TYW1B: variants seen among roughly 807,000 people sequenced by gnomAD.
The protein encoded by TYW1B is S-adenosyl-L-methionine-dependent tRNA 4-demethylwyosine synthase TYW1B.
In TYW1B, 73 loss-of-function variants were observed where a neutral mutation model predicts 86.9. The observed-to-expected ratio is 0.84, with a 90% CI of 0.70 to 1.02. The LOEUF (loss-of-function observed/expected upper bound fraction) is 1.02, where lower values mean the gene tolerates loss of function less well. TYW1B is among the 50% of genes least tolerant of loss of function. The pLI is 0.00. For missense variants in TYW1B, 637 were observed against 827.4 expected (o/e 0.77, Z 2.82); for synonymous variants, 248 against 292.8 (o/e 0.85, Z 1.56).
At chr7:72,753,480 ATTT>A (rs11359200) in intron 7 of TYW1B, among the ~76,000 whole-genome samples, 2 of 138,582 alleles carry the variant, frequency 1.4e-5, no homozygotes, top group African/African-American at 2.7e-5. Flanking sequence ...ATCATTAGCA[ATTT>A]TTTTTTTTTT....
intron 11 of TYW1B, among the ~76,000 whole-genome samples, chr7:72,633,143 C>T (rs1220918439): frequency 6.6e-6 from 1 of 152,362 alleles, no homozygotes; most frequent in East Asian, 1.9e-4. Flanking sequence ...GTTACTGCCC[C>T]TTTCCTAGAA....
chr7:72,762,358 T>C (rs1356449733), intron 7 of TYW1B, among the ~76,000 whole-genome samples: 3 of 152,154 alleles, frequency 2.0e-5, no homozygotes, highest in Non-Finnish European at 4.4e-5. Flanking sequence ...ATCATTGCCT[T>C]CTGTTCTTTC....
At chr7:72,619,167 C>A (rs1812153286) in intron 12 of TYW1B, among the ~76,000 whole-genome samples, 1 of 152,128 alleles carries the variant, frequency 6.6e-6, no homozygotes, top group African/African-American at 2.4e-5. Context: ...CACAGGAAGA[C>A]AAATTTGAGC....
intron 13 of TYW1B, among the ~76,000 whole-genome samples, chr7:72,607,392 T>TAAAAAAAAA (rs1554435054): frequency 3.4e-5 from 2 of 58,366 alleles, no homozygotes; most frequent in African/African-American, 6.7e-5. Flanking sequence ...ATTCTGTCTC[T>TAAAAAAAAA]CAAAAAAAAA....
intron 13 of TYW1B, among the ~76,000 whole-genome samples, chr7:72,606,413 G>A (rs1201663010): frequency 1.3e-5 from 2 of 152,072 alleles, no homozygotes; most frequent in Non-Finnish European, 2.9e-5. Context: ...CTACCAGGGC[G>A]GTATCAGAGA....
chr7:72,721,208 C>T (rs559125261), intron 9 of TYW1B, among the ~76,000 whole-genome samples: 9 of 152,252 alleles, frequency 5.9e-5, no homozygotes, highest in East Asian at 3.9e-4. Context: ...AACAAACATA[C>T]GTGTACATGT....
At chr7:72,634,869 G>C (rs1812629685) in intron 11 of TYW1B, among the ~76,000 whole-genome samples, 1 of 152,004 alleles carries the variant, frequency 6.6e-6, no homozygotes, top group African/African-American at 2.4e-5. Flanking sequence ...TAAATTATTT[G>C]CATTTGCTGG....
At chr7:72,730,731 A>G (rs1554459727) in intron 8 of TYW1B, among the ~76,000 whole-genome samples, 1 of 151,764 alleles carries the variant, frequency 6.6e-6, no homozygotes, top group Non-Finnish European at 1.5e-5. Flanking sequence ...GCGTAGGAAA[A>G]AAAGCCTACA....
chr7:72,627,458 A>AACATG (rs1554439054), intron 12 of TYW1B, among the ~76,000 whole-genome samples: 1 of 64,206 alleles, frequency 1.6e-5, no homozygotes, highest in East Asian at 3.1e-4. Context: ...AAAAAACAGT[A>AACATG]ACATAACATA....
At chr7:72,792,386 G>A (rs1195043317) in intron 6 of TYW1B, among the ~76,000 whole-genome samples, 1 of 151,324 alleles carries the variant, frequency 6.6e-6, no homozygotes, top group Non-Finnish European at 1.5e-5. Context: ...AAATGCAAAT[G>A]AACAATAAAC....
chr7:72,747,542 A>G (rs189958292), intron 7 of TYW1B, among the ~76,000 whole-genome samples: 1 of 152,184 alleles, frequency 6.6e-6, no homozygotes. Context: ...ATTTATGTCT[A>G]TCTCTCTACC....
At chr7:72,735,866 T>TAAA (rs35564711) in intron 8 of TYW1B, among the ~76,000 whole-genome samples, 1 of 144,188 alleles carries the variant, frequency 6.9e-6, no homozygotes. Flanking sequence ...CGAGACTGTC[T>TAAA]AAAAAAAAAA....
chr7:72,758,092 C>T (rs1243716207), intron 7 of TYW1B, among the ~76,000 whole-genome samples: 2 of 152,002 alleles, frequency 1.3e-5, no homozygotes, highest in Non-Finnish European at 1.5e-5. Context: ...TGGTGGCGTG[C>T]GCCTGTAATC....
intron 9 of TYW1B, among the ~76,000 whole-genome samples, chr7:72,720,343 A>T (rs1554457091): frequency 6.6e-6 from 1 of 152,208 alleles, no homozygotes; most frequent in Non-Finnish European, 1.5e-5. Context: ...AACAAAGGGT[A>T]CTACCACAGA....
rs1788125380 is a variant in TYW1B at position 72,786,098 on chromosome 7, G to T, written c.847-8565C>A. The stretch of plus-strand genomic sequence containing the variant: ...CACTCCAGCCTGGGCGACACAGCAA[G>T]ACTGTCTAAAAAAAAAAGAGAAGAA... On this transcript the variant is annotated intron_variant, in intron 6 of 13. Coordinates refer to ENST00000620995, the MANE Select transcript of TYW1B (RefSeq NM_001145440.3). Among the ~76,000 whole-genome samples, 4 of 117,968 alleles carry T rather than the reference G, an allele frequency of 3.4e-5. No individual in the cohort carries two copies. In the South Asian group the frequency reaches 1.2e-3, roughly 36 times the overall value. 77.4% of individuals were successfully genotyped at this position (117,968 alleles called of 152,430 possible).
intron 8 of TYW1B, among the ~76,000 whole-genome samples, chr7:72,739,606 CAAAAA>C (rs565426313): frequency 1.4e-5 from 1 of 72,752 alleles, no homozygotes; most frequent in Non-Finnish European, 3.0e-5. Context: ...ACTCCGTCTC[CAAAAA>C]AAAAAAAAAA....
rs1224944413 is a variant in TYW1B at position 72,696,669 on chromosome 7, A to G, written c.1371-1847T>C. On this transcript the variant is annotated intron_variant, in intron 10 of 13. Transcript: ENST00000620995. ...AGATATTGTTGATTTCAGCAGACAG[A>G]ATTTTTAAGGGAATATAGGCCAAAC... Among the ~76,000 whole-genome samples, 6 of 152,206 alleles carry G rather than the reference A, an allele frequency of 3.9e-5. 1 individual carries two copies. The East Asian group carries it at 1.2e-3, about 29-fold the overall frequency.
intron 6 of TYW1B, among the ~76,000 whole-genome samples, chr7:72,800,335 C>T (rs1196972134): frequency 3.3e-5 from 5 of 152,008 alleles, no homozygotes; most frequent in African/African-American, 7.2e-5. Flanking sequence ...GCAGTTGTGA[C>T]TACGGGCACA....
chr7:72,790,293 G>A (rs1164012463), intron 6 of TYW1B, among the ~76,000 whole-genome samples: 1 of 152,002 alleles, frequency 6.6e-6, no homozygotes, highest in African/African-American at 2.4e-5. Context: ...TACATCTGAT[G>A]TTTTATGCTA....
Sources: allele counts gnomAD v4.1 joint callset (sites outside exome capture counted in the v4.1 genomes callset), GRCh38; gene constraint gnomAD v4.1.1; transcripts MANE v1.5; gene names NCBI Gene and HGNC (gene_info 2026-07-23, HGNC 2026-07-21).